Variants in CFAP210 observed in about 807,000 individuals in gnomAD.
CFAP210 encodes cilia and flagella associated protein 210.
the CFAP210 span, among the ~76,000 whole-genome samples, chr2:169,690,032 A>C: frequency 6.6e-6 from 1 of 152,070 alleles, no homozygotes; most frequent in African/African-American, 2.4e-5. Flanking sequence ...GGGTCTTACT[A>C]TGTTGCCCAG....
the CFAP210 span, among the ~76,000 whole-genome samples, chr2:169,672,036 C>G: frequency 6.6e-6 from 1 of 152,166 alleles, no homozygotes; most frequent in African/African-American, 2.4e-5. Flanking sequence ...TATTCCATTT[C>G]TATTGGTTTA....
At chr2:169,674,708 C>T in the CFAP210 span, 1 of 1,607,806 alleles carries the variant, frequency 6.2e-7, no homozygotes, top group Non-Finnish European at 8.5e-7. Flanking sequence ...TTTTATCTTA[C>T]TCTTTCGGAA....
At chr2:169,678,793 C>T in the CFAP210 span, among the ~76,000 whole-genome samples, 1 of 151,646 alleles carries the variant, frequency 6.6e-6, no homozygotes, top group African/African-American at 2.4e-5. Context: ...CCACTGCACT[C>T]CAGACTAGGC....
At chr2:169,678,341 CAAAAAAAAAAAA>C in the CFAP210 span, among the ~76,000 whole-genome samples, 11 of 88,232 alleles carry the variant, frequency 1.2e-4, no homozygotes, top group Admixed American at 9.3e-4. Flanking sequence ...AACTCTGTTG[CAAAAAAAAAAAA>C]AAAAAAAAAA....
At chr2:169,651,569 G>C in the CFAP210 span, among the ~76,000 whole-genome samples, 1 of 151,682 alleles carries the variant, frequency 6.6e-6, no homozygotes, top group Non-Finnish European at 1.5e-5. Context: ...TACCCAGGCT[G>C]GTCTTGAACT....
At chr2:169,661,064 G>A in the CFAP210 span, 1 of 532,238 alleles carries the variant, frequency 1.9e-6, no homozygotes, top group Non-Finnish European at 3.8e-6. Context: ...ACTAGATGCT[G>A]GGTGGGAGAA....
chr2:169,661,412 C>G, the CFAP210 span: 1 of 367,116 alleles, frequency 2.7e-6, no homozygotes, highest in South Asian at 2.2e-5. Context: ...AACCTCCAAG[C>G]ACTCTCAGCC....
the CFAP210 span, among the ~76,000 whole-genome samples, chr2:169,678,341 C>CTAAAA: frequency 1.1e-5 from 1 of 88,232 alleles, no homozygotes; most frequent in Non-Finnish European, 2.2e-5. Context: ...AACTCTGTTG[C>CTAAAA]AAAAAAAAAA....
At chr2:169,672,912 A>G in the CFAP210 span, among the ~76,000 whole-genome samples, 1 of 152,098 alleles carries the variant, frequency 6.6e-6, no homozygotes, top group African/African-American at 2.4e-5. Flanking sequence ...CCCTCTCCTA[A>G]TTCCCCAAAA....
At chr2:169,646,483 A>T in the CFAP210 span, among the ~76,000 whole-genome samples, 1 of 152,198 alleles carries the variant, frequency 6.6e-6, no homozygotes, top group African/African-American at 2.4e-5. Context: ...TCCTGTTTCA[A>T]TCACAAGATG....
At chr2:169,657,096 T>C in the CFAP210 span, among the ~76,000 whole-genome samples, 1,745 of 152,214 alleles carry the variant, frequency 0.011, 38 homozygotes, top group African/African-American at 0.039. Context: ...GTATATTATT[T>C]TGGGTTTTCT....
the CFAP210 span, among the ~76,000 whole-genome samples, chr2:169,672,562 A>ACTT: frequency 6.6e-6 from 1 of 152,340 alleles, no homozygotes; most frequent in Admixed American, 6.5e-5. Context: ...TGCTGGTGCA[A>ACTT]GTCCCAGAGT....
At chr2:169,680,169 T>C in the CFAP210 span, among the ~76,000 whole-genome samples, 1 of 152,194 alleles carries the variant, frequency 6.6e-6, no homozygotes, top group African/African-American at 2.4e-5. Flanking sequence ...TTCAACATCA[T>C]TTTTACTTAG....
the CFAP210 span, among the ~76,000 whole-genome samples, chr2:169,669,651 A>C: frequency 1.3e-5 from 2 of 152,044 alleles, no homozygotes; most frequent in Non-Finnish European, 2.9e-5. Flanking sequence ...ATCAAGGTGA[A>C]TTATTAGGTT....
At chr2:169,648,547 T>G in the CFAP210 span, among the ~76,000 whole-genome samples, 2 of 152,118 alleles carry the variant, frequency 1.3e-5, no homozygotes, top group African/African-American at 4.8e-5. Flanking sequence ...AAATAGACAC[T>G]TCACAAAAGA....
At chr2:169,649,078 A>ATTTTTTT in the CFAP210 span, 1 of 990,616 alleles carries the variant, frequency 1.0e-6, no homozygotes. Context: ...CATAATGACC[A>ATTTTTTT]TTTTTTTCTT....
At chr2:169,668,130 C>T in the CFAP210 span, among the ~76,000 whole-genome samples, 1,037 of 152,338 alleles carry the variant, frequency 6.8e-3, 6 homozygotes, top group African/African-American at 0.023. Flanking sequence ...CTTGCTGCAG[C>T]TTTTACATTA....
At chr2:169,687,169 T>A in the CFAP210 span, among the ~76,000 whole-genome samples, 1 of 152,166 alleles carries the variant, frequency 6.6e-6, no homozygotes, top group African/African-American at 2.4e-5. Flanking sequence ...TTCTGGGAGA[T>A]ACAATTCAAG....
At chr2:169,662,229 G>T in the CFAP210 span, 3 of 1,559,386 alleles carry the variant, frequency 1.9e-6, no homozygotes, top group Non-Finnish European at 2.6e-6. Flanking sequence ...AATTTTAAAA[G>T]TTGGGCATTT....
Sources: gnomAD v4.1 joint callset for allele counts (sites outside exome capture counted in the v4.1 genomes callset) on GRCh38, gnomAD v4.1.1 for gene constraint, MANE v1.5 for transcripts, NCBI Gene and HGNC (gene_info 2026-07-23, HGNC 2026-07-21) for gene names.